AKAP19: variants seen among roughly 807,000 people sequenced by gnomAD.
AKAP19 encodes A-kinase anchoring protein 19, also known as small A-kinase anchoring protein.
the AKAP19 span, among the ~76,000 whole-genome samples, chr2:190,082,862 G>T: frequency 2.0e-5 from 3 of 152,118 alleles, no homozygotes; most frequent in Non-Finnish European, 4.4e-5. Flanking sequence ...ACCATTTATT[G>T]TGTTTCTACT....
the AKAP19 span, among the ~76,000 whole-genome samples, chr2:189,901,559 A>C: frequency 1.3e-5 from 2 of 152,044 alleles, no homozygotes; most frequent in South Asian, 4.1e-4. Flanking sequence ...GCTGGTCTCA[A>C]ACTCCTGGCC....
chr2:189,912,172 A>T, the AKAP19 span, among the ~76,000 whole-genome samples: 2 of 151,990 alleles, frequency 1.3e-5, no homozygotes, highest in Admixed American at 6.6e-5. Flanking sequence ...TTTGTTTTTC[A>T]TAGAACCAAT....
At chr2:190,117,382 C>A in the AKAP19 span, among the ~76,000 whole-genome samples, 1 of 151,838 alleles carries the variant, frequency 6.6e-6, no homozygotes, top group Non-Finnish European at 1.5e-5. Flanking sequence ...TTAATATAGA[C>A]CCTGGCAAAT....
chr2:190,192,164 G>A, the AKAP19 span, among the ~76,000 whole-genome samples: 2 of 152,070 alleles, frequency 1.3e-5, no homozygotes, highest in Non-Finnish European at 2.9e-5. Flanking sequence ...GGTGGGGGGA[G>A]AGTATGTGAA....
At chr2:189,951,554 T>C in the AKAP19 span, among the ~76,000 whole-genome samples, 2 of 152,172 alleles carry the variant, frequency 1.3e-5, no homozygotes, top group Admixed American at 1.3e-4. Context: ...CTTTCATCAG[T>C]TGGTAAATGC....
chr2:190,019,206 TC>T, the AKAP19 span, among the ~76,000 whole-genome samples: 3 of 152,038 alleles, frequency 2.0e-5, no homozygotes, highest in Non-Finnish European at 4.4e-5. Flanking sequence ...CTGTTTGAAC[TC>T]CCAGGTAGGG....
At chr2:190,180,637 C>T in the AKAP19 span, 4 of 985,736 alleles carry the variant, frequency 4.1e-6, no homozygotes, top group Non-Finnish European at 4.8e-6. The surrounding 1 kb of genome is among the most constrained non-coding windows in gnomAD (Gnocchi z 6.8). Flanking sequence ...GCTCCGCCCG[C>T]CCCTGCCTCG....
chr2:190,146,851 A>G, the AKAP19 span, among the ~76,000 whole-genome samples: 1 of 151,732 alleles, frequency 6.6e-6, no homozygotes, highest in Admixed American at 6.6e-5. Context: ...GGGATTGTTT[A>G]TTTTTTTCTT....
the AKAP19 span, among the ~76,000 whole-genome samples, chr2:190,077,629 GTCTATT>G: frequency 1.3e-5 from 2 of 152,068 alleles, no homozygotes; most frequent in African/African-American, 4.8e-5. Context: ...TTATTTATTT[GTCTATT>G]TCTATTGACT....
At chr2:190,093,430 CT>C in the AKAP19 span, among the ~76,000 whole-genome samples, 1 of 65,438 alleles carries the variant, frequency 1.5e-5, no homozygotes, top group African/African-American at 7.9e-5. Flanking sequence ...AAGACTCTGT[CT>C]CAAAAAAAAA....
At chr2:190,061,742 TGAGA>T in the AKAP19 span, among the ~76,000 whole-genome samples, 1 of 152,030 alleles carries the variant, frequency 6.6e-6, no homozygotes, top group East Asian at 1.9e-4. Context: ...AAAAAATTAC[TGAGA>T]GAGTTTCAAA....
chr2:190,024,100 G>T, the AKAP19 span, among the ~76,000 whole-genome samples: 3 of 151,944 alleles, frequency 2.0e-5, no homozygotes, highest in Middle Eastern at 3.4e-3. Context: ...AAATGCAAAT[G>T]ACATGTGGAG....
At chr2:189,905,354 A>G in the AKAP19 span, among the ~76,000 whole-genome samples, 1 of 151,974 alleles carries the variant, frequency 6.6e-6, no homozygotes, top group Non-Finnish European at 1.5e-5. Context: ...GAGGAAGTTT[A>G]CCTCATATTC....
chr2:190,184,728 T>C, the AKAP19 span, among the ~76,000 whole-genome samples: 7,913 of 152,030 alleles, frequency 0.052, 689 homozygotes, highest in African/African-American at 0.18. Context: ...TGGGTGGAGA[T>C]AAAGGCGAGG....
chr2:189,890,929 A>G, the AKAP19 span, among the ~76,000 whole-genome samples: 1 of 151,890 alleles, frequency 6.6e-6, no homozygotes, highest in Non-Finnish European at 1.5e-5. Context: ...TAAAGTTAAT[A>G]TTATGTGTGA....
the AKAP19 span, chr2:190,200,256 G>A: frequency 1.1e-6 from 1 of 878,970 alleles, no homozygotes; most frequent in Non-Finnish European, 1.8e-6. Flanking sequence ...ATTTAAAAAT[G>A]TGTCTACGAT....
the AKAP19 span, among the ~76,000 whole-genome samples, chr2:190,187,409 C>CTTTTT: frequency 0.023 from 3,030 of 131,148 alleles, 43 homozygotes; most frequent in Non-Finnish European, 0.032. Context: ...TTAGAAGTTA[C>CTTTTT]TTTTTTTTTT....
At chr2:190,035,502 T>C in the AKAP19 span, among the ~76,000 whole-genome samples, 5 of 152,210 alleles carry the variant, frequency 3.3e-5, no homozygotes, top group African/African-American at 1.2e-4. Context: ...CATGCCACTT[T>C]GTTTTGTTCA....
At chr2:190,015,614 T>G in the AKAP19 span, among the ~76,000 whole-genome samples, 1 of 152,240 alleles carries the variant, frequency 6.6e-6, no homozygotes, top group Non-Finnish European at 1.5e-5. Context: ...TCATGCAAAT[T>G]TCTGCAGCCA....
Sources: gnomAD v4.1 joint callset for allele counts (sites outside exome capture counted in the v4.1 genomes callset) on GRCh38, gnomAD v4.1.1 for gene constraint, Gnocchi (gnomAD v3.1) non-coding constraint, MANE v1.5 for transcripts, NCBI Gene and HGNC (gene_info 2026-07-23, HGNC 2026-07-21) for gene names.